MUC12: variants seen among roughly 807,000 people sequenced by gnomAD.
The protein encoded by MUC12 is mucin 12, cell surface associated.
In MUC12, 172 loss-of-function variants were observed where a neutral mutation model predicts 230.8. That is an observed-to-expected ratio of 0.75 (90% confidence interval 0.66 to 0.85). MUC12 has a LOEUF of 0.85. Ranked by LOEUF, MUC12 falls within the 40% of genes least tolerant of loss-of-function variation. MUC12 has a pLI of 0.00. For missense variants in MUC12, 3,506 were observed against 5,920.6 expected, an observed-to-expected ratio of 0.59 and a Z score of 13.38; for synonymous variants, 1,259 against 2,401.9, an observed-to-expected ratio of 0.52 and a Z score of 13.91.
Position 100,992,509 on chromosome 7 carries a change from C to T in MUC12, c.1946C>T (p.Thr649Ile), listed in dbSNP as rs1376211561. The change falls in exon 2 of 12, where the codon ACT becomes ATT. Residue 649 changes from threonine to isoleucine, a missense_variant. Coordinates refer to ENST00000536621, the MANE Select transcript of MUC12 (RefSeq NM_001164462.2). ...AAGGACACTAGGCCTGCACCTCCTA[C>T]TACCACATCAGCCTTTGTTGAGCCA... ...SSKDTRPAPP[T>I]TTSAFVEPST... 1.1e-5 allele frequency: 17 copies of T among 1,537,846 alleles called. No homozygotes were observed. The highest frequency in any genetic ancestry group is 9.8e-5 in the Admixed American group (5 of 50,984).
intron 1 of MUC12, chr7:100,972,246 T>C (rs1792919408): frequency 1.4e-6 from 1 of 702,044 alleles, no homozygotes; most frequent in South Asian, 1.5e-5. Context: ...GTGATTTGCC[T>C]GGGTCCACAC....
intron 3 of MUC12, among the ~76,000 whole-genome samples, chr7:101,006,989 C>T (rs748257112): frequency 2.0e-5 from 3 of 152,192 alleles, no homozygotes; most frequent in Middle Eastern, 3.4e-3. Context: ...GAGGGAGTCT[C>T]GCTCTGTCTC....
intron 1 of MUC12, chr7:100,972,198 G>C (rs1372184681): frequency 2.8e-6 from 2 of 703,166 alleles, no homozygotes; most frequent in Admixed American, 4.0e-5. Flanking sequence ...AGGAAGTCGG[G>C]GCAGATGAGG....
chr7:100,983,893 AAAG>A (rs974303681), intron 1 of MUC12, among the ~76,000 whole-genome samples: 4 of 152,308 alleles, frequency 2.6e-5, no homozygotes, highest in South Asian at 2.1e-4. Flanking sequence ...CCCATTTTTA[AAAG>A]AAGAAGGAAA....
At chr7:100,969,774 G>C (rs1376352505) in intron 1 of MUC12, 85 bp downstream of exon 1, 15 of 1,524,226 alleles carry the variant, frequency 9.8e-6, no homozygotes, top group Non-Finnish European at 1.2e-5. Flanking sequence ...CAGGGCTGCA[G>C]GTGGCCTCCT....
chr7:101,017,449 C>A (rs544603106), intron 10 of MUC12, 126 bp from the exon 11 acceptor site: 1 of 641,038 alleles, frequency 1.6e-6, no homozygotes, highest in Non-Finnish European at 2.7e-6. Context: ...GAGGGGTGGT[C>A]GGCAGTGGGA....
At chr7:101,018,566 G>T in intron 11 of MUC12, 29 bp from the exon 12 acceptor site, 1 of 1,534,002 alleles carries the variant, frequency 6.5e-7, no homozygotes, top group Non-Finnish European at 8.7e-7. Flanking sequence ...TCTGCCCCTT[G>T]GCCTCACCTC....
At position 100,992,368 on chromosome 7, in the gene MUC12, T is replaced by C. The variant is rs747875915; in HGVS notation, c.1805T>C (p.Leu602Pro). The C allele has an allele frequency of 6.5e-7, 1 of 1,536,614 alleles. No individual in the cohort carries two copies. Among genetic ancestry groups the C allele is most frequent in the East Asian group, 2.4e-5 (1 of 40,878 alleles). The change falls in exon 2 of 12, where the codon CTT becomes CCT. Residue 602 changes from leucine (L) to proline (P), a missense_variant. Leu to Pro is a moderately conservative substitution (Grantham distance 98, BLOSUM62 -3). Coordinates refer to ENST00000536621, the MANE Select transcript of MUC12 (RefSeq NM_001164462.2). Reference sequence around the variant, plus strand: ...GACAACACCACAGCCTCAGGACTCCTTGAAGCATCTATGCCCGTCCACAGC... The same window carrying C: ...GACAACACCACAGCCTCAGGACTCCCTGAAGCATCTATGCCCGTCCACAGC... The part of the protein sequence containing the change: ...LPDNTTASGL[L>P]EASMPVHSST...
chr7:100,985,493 C>T (rs1186779483), intron 1 of MUC12, among the ~76,000 whole-genome samples: 1 of 152,184 alleles, frequency 6.6e-6, no homozygotes, highest in Non-Finnish European at 1.5e-5. Context: ...GCAATCTAGT[C>T]CCCAGGCAAG....
chr7:100,989,847 C>T (rs981005576), intron 1 of MUC12, among the ~76,000 whole-genome samples: 1 of 152,148 alleles, frequency 6.6e-6, no homozygotes, highest in Admixed American at 6.6e-5. Flanking sequence ...TACACCACCA[C>T]ACCTGGCTAA....
Position 100,995,690 on chromosome 7 carries a change from T to C in MUC12, c.5127T>C (p.Phe1709=), listed in dbSNP as rs1466199526. 6.5e-7 allele frequency: 1 copy of C among 1,537,194 alleles called. No homozygotes were observed. Among genetic ancestry groups the C allele is most frequent in the Non-Finnish European group, 8.7e-7 (1 of 1,147,044 alleles). ...MPAPPTTTSA[F]VELSTTSHGS... ...CACCTCCTACTACCACATCAGCCTT[T>C]GTTGAGCTATCTACAACCTCCCACG... is the stretch of plus-strand genomic sequence containing the variant. Residue 1709 remains phenylalanine (F), a synonymous_variant, in exon 2 of 12, where the codon TTT becomes TTC. Coordinates refer to ENST00000536621, the MANE Select transcript of MUC12 (RefSeq NM_001164462.2).
At position 101,009,145 on chromosome 7, in the gene MUC12, C is replaced by T. The variant is rs1282588038; in HGVS notation, c.15237C>T (p.Asn5079=). The T allele has an allele frequency of 2.0e-6, 3 of 1,537,712 alleles. No homozygotes were observed. The highest frequency in any genetic ancestry group is 2.6e-6 in the Non-Finnish European group (3 of 1,147,024). ...GDNLPQYRGV[N]IRRLLNGSIV... ...ATCTTCCTCAGTATAGAGGGGTGAACATTCGGAGATTGCTGTGAGTATATT... is the reference window on the plus strand; with the variant it reads ...ATCTTCCTCAGTATAGAGGGGTGAATATTCGGAGATTGCTGTGAGTATATT... The change falls in exon 5 of 12, where the codon AAC becomes AAT. Residue 5079 remains asparagine (N), a synonymous_variant. Transcript: ENST00000536621.
intron 5 of MUC12, among the ~76,000 whole-genome samples, chr7:101,009,749 G>A (rs192322896): frequency 6.6e-6 from 1 of 152,152 alleles, no homozygotes; most frequent in Non-Finnish European, 1.5e-5. Context: ...AAGGGAAGGA[G>A]AGGCAGTTGC....
chr7:101,001,840 T>A lies in MUC12; in HGVS notation c.11277T>A (p.Ser3759Arg). 1 of 545,954 alleles carries A rather than the reference T, an allele frequency of 1.8e-6. No homozygotes were observed. The allele number at this position is 545,954 out of a possible 1,614,324, so 33.8% of individuals were successfully genotyped here. A position where few individuals can be genotyped will look rare whatever the true frequency, so the allele number is the denominator to read the frequency against. ...RSPTTTLSPA[S>R]MTSLGVGEES... Reference sequence around the variant, plus strand: ...CAACCACAACACTCTCACCTGCCAGTATGACAAGCCTAGGCGTCGGTGAAG... The same window carrying A: ...CAACCACAACACTCTCACCTGCCAGAATGACAAGCCTAGGCGTCGGTGAAG... The change falls in exon 2 of 12, where the codon AGT (serine) becomes AGA (arginine). Residue 3759 changes from serine (S) to arginine (R), a missense_variant. Ser to Arg is a moderately radical substitution (Grantham distance 110, BLOSUM62 -1). Coordinates refer to ENST00000536621, the MANE Select transcript of MUC12 (RefSeq NM_001164462.2).
At chr7:100,971,227 G>A (rs75566063) in intron 1 of MUC12, among the ~76,000 whole-genome samples, 41 of 222 alleles carry the variant, frequency 0.18, 1 homozygote, top group Middle Eastern at 0.5. Flanking sequence ...AGGAGACAGA[G>A]GCTCAGGGGT....
Position 101,005,118 on chromosome 7 carries a change from C to T in MUC12, c.14555C>T (p.Thr4852Ile). The T allele has an allele frequency of 6.5e-7, 1 of 1,537,958 alleles. No homozygotes were observed. The highest frequency in any genetic ancestry group is 2.4e-5 in the East Asian group (1 of 40,920). ...CCAGGCCTTAGTGAGGAATCTACCA[C>T]CTTCTACAGCAGCCCAGGCTCAACT... ...TVPGLSEEST[T>I]FYSSPGSTET... is the part of the protein sequence containing the mutation. The change falls in exon 2 of 12, where the codon ACC (threonine) becomes ATC (isoleucine). Residue 4852 changes from threonine to isoleucine, a missense_variant. Transcript: ENST00000536621.
At chr7:100,971,652 G>A (rs1258251278) in intron 1 of MUC12, among the ~76,000 whole-genome samples, 2 of 152,312 alleles carry the variant, frequency 1.3e-5, no homozygotes, top group Non-Finnish European at 2.9e-5. Context: ...CTGTGGATTT[G>A]GGGACATTAT....
intron 1 of MUC12, among the ~76,000 whole-genome samples, chr7:100,971,723 G>A (rs1388075081): frequency 7.2e-5 from 11 of 152,310 alleles, no homozygotes; most frequent in Admixed American, 1.3e-4. Context: ...GGGAAACTGT[G>A]GGCCTGGATG....
chr7:100,975,711 C>T (rs942414790), intron 1 of MUC12, among the ~76,000 whole-genome samples: 7 of 150,884 alleles, frequency 4.6e-5, no homozygotes, highest in Non-Finnish European at 7.4e-5. Flanking sequence ...GGAGAGGCAG[C>T]ATTTGAGTTT....
Sources: allele counts gnomAD v4.1 joint callset (sites outside exome capture counted in the v4.1 genomes callset), GRCh38; gene constraint gnomAD v4.1.1; transcripts MANE v1.5; gene names NCBI Gene and HGNC (gene_info 2026-07-23, HGNC 2026-07-21).